The following GALNT2 variants were observed in gnomAD, a reference collection of about 807,000 sequenced individuals.
GALNT2 encodes the protein polypeptide N-acetylgalactosaminyltransferase 2.
In GALNT2, 31 loss-of-function variants were observed where a neutral mutation model predicts 81.4. The observed-to-expected ratio is 0.38, with a 90% confidence interval of 0.29 to 0.51. The LOEUF (loss-of-function observed/expected upper bound fraction) is 0.51, where lower values mean the gene tolerates loss of function less well. Ranked by LOEUF, GALNT2 falls within the 20% of genes least tolerant of loss-of-function variation. The pLI is 0.87. For synonymous variants in GALNT2, 303 were observed against 287.4 expected, an observed-to-expected ratio of 1.05 and a Z score of -0.55; for missense variants, 629 against 765.7, an observed-to-expected ratio of 0.82 and a Z score of 2.11.
chr1:230,253,961 T>C (rs1665628337), intron 10 of GALNT2, among the ~76,000 whole-genome samples: 1 of 152,156 alleles, frequency 6.6e-6, no homozygotes, highest in Admixed American at 6.6e-5. Flanking sequence ...CTGGGAATAC[T>C]ATCCAGCCAG....
chr1:230,166,941 G>T (rs113947053), intron 1 of GALNT2, among the ~76,000 whole-genome samples: 19 of 152,120 alleles, frequency 1.2e-4, no homozygotes, highest in Non-Finnish European at 7.4e-5. Flanking sequence ...CTCACACTTG[G>T]GTTGGCTGTA....
intron 1 of GALNT2, among the ~76,000 whole-genome samples, chr1:230,158,614 A>G (rs1213999311): frequency 6.6e-6 from 1 of 152,172 alleles, no homozygotes; most frequent in South Asian, 2.1e-4. Context: ...GGAACTGGAG[A>G]TGCCCCATGG....
intron 2 of GALNT2, among the ~76,000 whole-genome samples, chr1:230,199,308 C>T (rs1558136479): frequency 6.6e-6 from 1 of 152,152 alleles, no homozygotes; most frequent in African/African-American, 2.4e-5. Flanking sequence ...CGCGTGTGCC[C>T]TCTGCAAACC....
intron 1 of GALNT2, among the ~76,000 whole-genome samples, chr1:230,080,643 T>G (rs915300878): frequency 6.6e-6 from 1 of 152,142 alleles, no homozygotes; most frequent in African/African-American, 2.4e-5. Context: ...TTTCTGGGGC[T>G]GCTGTGACAT....
intron 1 of GALNT2, among the ~76,000 whole-genome samples, chr1:230,141,687 C>T (rs1661739343): frequency 6.6e-6 from 1 of 152,088 alleles, no homozygotes; most frequent in Admixed American, 6.5e-5. Context: ...ATCTAGTCAC[C>T]CATTGATGGA....
intron 10 of GALNT2, among the ~76,000 whole-genome samples, chr1:230,253,901 A>G (rs547494493): frequency 2.0e-5 from 3 of 152,154 alleles, no homozygotes; most frequent in South Asian, 2.1e-4. Flanking sequence ...GCTTCCATGT[A>G]TGGGTGAAAA....
At chr1:230,133,298 A>T (rs536119196) in intron 1 of GALNT2, among the ~76,000 whole-genome samples, 2 of 152,272 alleles carry the variant, frequency 1.3e-5, no homozygotes, top group African/African-American at 4.8e-5. Flanking sequence ...CTTTTGATAG[A>T]TGTTCTCAGC....
intron 1 of GALNT2, among the ~76,000 whole-genome samples, chr1:230,156,544 A>T (rs566046212): frequency 6.6e-6 from 1 of 152,182 alleles, no homozygotes; most frequent in East Asian, 1.9e-4. Flanking sequence ...CATTTTCAAC[A>T]TGCTTCCTAG....
intron 1 of GALNT2, among the ~76,000 whole-genome samples, chr1:230,155,983 G>A (rs1364772398): frequency 6.6e-6 from 1 of 152,166 alleles, no homozygotes; most frequent in Non-Finnish European, 1.5e-5. Flanking sequence ...GGCCTGTGTG[G>A]TGGGCTCTGT....
intron 1 of GALNT2, among the ~76,000 whole-genome samples, chr1:230,086,197 A>G (rs1317524624): frequency 1.3e-5 from 2 of 152,216 alleles, no homozygotes; most frequent in Non-Finnish European, 2.9e-5. Context: ...GTTTGTAGGT[A>G]GAGAATAATA....
intron 1 of GALNT2, among the ~76,000 whole-genome samples, chr1:230,103,007 C>T (rs1007936140): frequency 2.0e-5 from 3 of 152,138 alleles, no homozygotes; most frequent in Non-Finnish European, 1.5e-5. Flanking sequence ...AGGTTAAGCC[C>T]GAGGTCCATT....
chr1:230,238,694 C>T (rs1665105965), intron 6 of GALNT2, among the ~76,000 whole-genome samples: 1 of 152,102 alleles, frequency 6.6e-6, no homozygotes, highest in African/African-American at 2.4e-5. Context: ...GATGTTAAAC[C>T]AGCTTTGCAT....
intron 1 of GALNT2, among the ~76,000 whole-genome samples, chr1:230,168,996 A>G (rs1366298453): frequency 6.6e-6 from 1 of 151,974 alleles, no homozygotes; most frequent in Non-Finnish European, 1.5e-5. Context: ...TATGACCTTG[A>G]CGGTTTTGAG....
At chr1:230,170,412 C>A (rs1312115737) in intron 1 of GALNT2, among the ~76,000 whole-genome samples, 1 of 152,162 alleles carries the variant, frequency 6.6e-6, no homozygotes, top group Non-Finnish European at 1.5e-5. Context: ...TCTTGTAAAC[C>A]AAACTGTTCT....
At chr1:230,239,932 A>G (rs536907131) in intron 6 of GALNT2, among the ~76,000 whole-genome samples, 5 of 152,376 alleles carry the variant, frequency 3.3e-5, no homozygotes, top group East Asian at 1.9e-4. Context: ...TAAGAATTTT[A>G]CAATAGTTAA....
At chr1:230,085,618 A>G (rs1047811282) in intron 1 of GALNT2, among the ~76,000 whole-genome samples, 1 of 152,202 alleles carries the variant, frequency 6.6e-6, no homozygotes, top group Admixed American at 6.5e-5. Flanking sequence ...GGGGTCTGGC[A>G]TGATCCAGTT....
intron 2 of GALNT2, among the ~76,000 whole-genome samples, chr1:230,200,062 C>CTTTTTTT (rs34212427): frequency 8.8e-6 from 1 of 113,516 alleles, no homozygotes; most frequent in African/African-American, 3.8e-5. Context: ...TCTTTTTTTT[C>CTTTTTTT]TTTTTTTTTT....
chr1:230,278,621 A>G (rs1291020039), intron 15 of GALNT2, among the ~76,000 whole-genome samples: 1 of 152,216 alleles, frequency 6.6e-6, no homozygotes, highest in African/African-American at 2.4e-5. Flanking sequence ...CTCAGCAAAC[A>G]TTGGTCCCTG....
At chr1:230,267,667 G>A (rs1420228615) in intron 14 of GALNT2, among the ~76,000 whole-genome samples, 5 of 152,220 alleles carry the variant, frequency 3.3e-5, no homozygotes, top group Admixed American at 1.3e-4. Flanking sequence ...CGTGTCAGGA[G>A]TCACCTGGAG....
Sources: allele counts gnomAD v4.1 joint callset (sites outside exome capture counted in the v4.1 genomes callset), GRCh38; gene constraint gnomAD v4.1.1; transcripts MANE v1.5; gene names NCBI Gene and HGNC (gene_info 2026-07-23, HGNC 2026-07-21).